Variants in RBMS3 observed in about 807,000 individuals in gnomAD.
RBMS3 encodes RNA binding motif single stranded interacting protein 3.
In RBMS3, 27 loss-of-function variants were observed where a neutral mutation model predicts 66.8. The observed-to-expected ratio is 0.40, with a 90% CI of 0.30 to 0.56. RBMS3 has a LOEUF of 0.56. Among genes scored for constraint, RBMS3 ranks in the 20% least tolerant of loss-of-function variants. The probability of loss-of-function intolerance (pLI) is 0.40; values close to 1 mark genes in which losing one functional copy is unlikely to be tolerated. For missense variants in RBMS3, 513 were observed against 549.5 expected, an observed-to-expected ratio of 0.93 and a Z score of 0.66; for synonymous variants, 188 against 183.0, an observed-to-expected ratio of 1.03 and a Z score of -0.22.
intron 3 of RBMS3, among the ~76,000 whole-genome samples, chr3:29,525,164 A>G (rs2045044431): frequency 6.6e-6 from 1 of 152,108 alleles, no homozygotes; most frequent in Admixed American, 6.6e-5. Flanking sequence ...AACATTTTAA[A>G]TGTAACTGGG....
chr3:29,385,039 T>C (rs2038951324), intron 1 of RBMS3, among the ~76,000 whole-genome samples: 1 of 152,106 alleles, frequency 6.6e-6, no homozygotes, highest in South Asian at 2.1e-4. Flanking sequence ...GTTTCCTGCC[T>C]GTTGTGTGTG....
chr3:29,578,980 T>G (rs2149080465), intron 3 of RBMS3, among the ~76,000 whole-genome samples: 1 of 144,242 alleles, frequency 6.9e-6, no homozygotes, highest in African/African-American at 2.6e-5. Flanking sequence ...TTTTTGTATT[T>G]TTAGTAGAGA....
intron 1 of RBMS3, among the ~76,000 whole-genome samples, chr3:29,406,342 A>G (rs1012789502): frequency 2.0e-5 from 3 of 152,196 alleles, no homozygotes; most frequent in Non-Finnish European, 4.4e-5. Context: ...ATTTTTAGTG[A>G]TTTTTAAGGA....
intron 12 of RBMS3, among the ~76,000 whole-genome samples, chr3:29,963,839 A>AAT (rs1237449305): frequency 6.7e-6 from 1 of 149,566 alleles, no homozygotes; most frequent in Non-Finnish European, 1.5e-5. Flanking sequence ...AAAAAAAAAA[A>AAT]AAAAAAGTGT....
intron 12 of RBMS3, among the ~76,000 whole-genome samples, chr3:29,957,832 C>A (rs1696144656): frequency 6.6e-6 from 1 of 152,194 alleles, no homozygotes; most frequent in Non-Finnish European, 1.5e-5. Flanking sequence ...CAAACATACA[C>A]TGGTCCCAAT....
intron 1 of RBMS3, among the ~76,000 whole-genome samples, chr3:29,356,615 T>C (rs2037236373): frequency 6.6e-6 from 1 of 152,180 alleles, no homozygotes; most frequent in South Asian, 2.1e-4. Flanking sequence ...GCCACTGTAA[T>C]TGTTAAGTCA....
intron 6 of RBMS3, among the ~76,000 whole-genome samples, chr3:29,825,599 A>T (rs1046527580): frequency 6.6e-6 from 1 of 152,136 alleles, no homozygotes; most frequent in African/African-American, 2.4e-5. Flanking sequence ...CATGTAAGAC[A>T]TGACTTTGCT....
chr3:29,899,471 G>A (rs2060201200), intron 9 of RBMS3, among the ~76,000 whole-genome samples: 1 of 151,724 alleles, frequency 6.6e-6, no homozygotes, highest in African/African-American at 2.4e-5. Context: ...CCTGGGCCAT[G>A]TGGGCACTGA....
chr3:29,987,151 C>CA (rs759663724), intron 12 of RBMS3, among the ~76,000 whole-genome samples: 1 of 152,044 alleles, frequency 6.6e-6, no homozygotes, highest in Non-Finnish European at 1.5e-5. Flanking sequence ...TGATTTGCCA[C>CA]AAAAAATCAT....
chr3:29,882,368 T>C (rs1181471062), intron 7 of RBMS3, among the ~76,000 whole-genome samples: 1 of 152,152 alleles, frequency 6.6e-6, no homozygotes, highest in Non-Finnish European at 1.5e-5. Context: ...TATTCTCATT[T>C]CTCAGTCCCC....
intron 1 of RBMS3, among the ~76,000 whole-genome samples, chr3:29,393,635 G>A (rs77835653): frequency 0.032 from 4,866 of 151,874 alleles, 244 homozygotes; most frequent in African/African-American, 0.11. Flanking sequence ...CCAAACTATC[G>A]GGGGAAACAG....
At position 29,813,733 on chromosome 3, in the gene RBMS3, T is replaced by G. The variant is rs997068209; in HGVS notation, c.637+50744T>G. On this transcript the variant is annotated intron_variant, in intron 6 of 14. Coordinates refer to ENST00000383767, the MANE Select transcript of RBMS3 (RefSeq NM_001003793.3). ...TTGGATTCCTAGGTATTTTACTCTC[T>G]TTGAAGCAATTGTGAATGGGAGTTC... 1.6e-4 allele frequency among the ~76,000 whole-genome samples: 25 copies of G among 152,294 alleles called. 1 individual carries two copies. The highest frequency in any genetic ancestry group is 1.6e-3 in the Admixed American group (24 of 15,288).
At chr3:29,854,494 C>G (rs909066120) in intron 6 of RBMS3, among the ~76,000 whole-genome samples, 1 of 152,212 alleles carries the variant, frequency 6.6e-6, no homozygotes, top group East Asian at 1.9e-4. Flanking sequence ...GAGACCTTCT[C>G]TCTACTCCGC....
intron 3 of RBMS3, among the ~76,000 whole-genome samples, chr3:29,539,403 G>C: frequency 6.6e-6 from 1 of 152,174 alleles, no homozygotes; most frequent in East Asian, 1.9e-4. Flanking sequence ...TCCTTGAAAA[G>C]TTGGTCCTAC....
intron 2 of RBMS3, among the ~76,000 whole-genome samples, chr3:29,467,999 C>T (rs779753632): frequency 2.5e-4 from 38 of 152,044 alleles, no homozygotes; most frequent in Non-Finnish European, 5.3e-4. Context: ...AATGCTTTAC[C>T]TCTTTGCCTG....
At chr3:29,701,770 T>G (rs1317369838) in intron 4 of RBMS3, among the ~76,000 whole-genome samples, 3 of 152,112 alleles carry the variant, frequency 2.0e-5, no homozygotes. Flanking sequence ...CCACTGGCAC[T>G]GCGCTGGAAT....
intron 5 of RBMS3, among the ~76,000 whole-genome samples, chr3:29,756,256 T>C (rs2055409124): frequency 1.3e-5 from 2 of 152,160 alleles, no homozygotes; most frequent in South Asian, 4.1e-4. Flanking sequence ...AACTACCTGA[T>C]CATCATGAGA....
chr3:29,474,411 A>T (rs1244381261), intron 2 of RBMS3, among the ~76,000 whole-genome samples: 1 of 152,240 alleles, frequency 6.6e-6, no homozygotes, highest in African/African-American at 2.4e-5. Context: ...GTTTAGTACA[A>T]GGGATTACTA....
rs558844539 is a variant in RBMS3, at chr3:29,885,755, A to G, written c.791+1547A>G. On this transcript the variant is annotated intron_variant, in intron 8 of 14. Transcript: ENST00000383767. Reference sequence around the variant, plus strand: ...ATGCATATGTATGCACATGTGTGTAATATATACATATGTATCTACCTATCT... The same window carrying G: ...ATGCATATGTATGCACATGTGTGTAGTATATACATATGTATCTACCTATCT... 1.4e-4 allele frequency among the ~76,000 whole-genome samples: 21 copies of G among 151,966 alleles called. No individual in the cohort carries two copies. In the South Asian group the frequency reaches 4.4e-3, roughly 32 times the overall value.
Sources: gnomAD v4.1 joint callset for allele counts (sites outside exome capture counted in the v4.1 genomes callset) on GRCh38, gnomAD v4.1.1 for gene constraint, MANE v1.5 for transcripts, NCBI Gene and HGNC (gene_info 2026-07-23, HGNC 2026-07-21) for gene names.